Variants in AGBL4 observed in about 807,000 individuals in gnomAD.
The protein encoded by AGBL4 is AGBL carboxypeptidase 4, also known as cytosolic carboxypeptidase 6.
Under a neutral mutation model 66.4 loss-of-function variants are expected in AGBL4, and 58 were observed. The observed-to-expected ratio is 0.87, with a 90% confidence interval of 0.71 to 1.09. The LOEUF is 1.09. Ranked by LOEUF, AGBL4 falls within the 50% of genes least tolerant of loss-of-function variation. The pLI is 0.00. For missense variants in AGBL4, 579 were observed against 631.0 expected, an observed-to-expected ratio of 0.92 and a Z score of 0.88; for synonymous variants, 234 against 222.9, an observed-to-expected ratio of 1.05 and a Z score of -0.44.
chr1:48,708,923 G>A (rs1223073101), intron 6 of AGBL4, among the ~76,000 whole-genome samples: 1 of 152,214 alleles, frequency 6.6e-6, no homozygotes, highest in Admixed American at 6.5e-5. Flanking sequence ...AGTCAGGCAG[G>A]ACCAGGGTGA....
At chr1:50,009,334 C>A (rs1661359096) in intron 1 of AGBL4, among the ~76,000 whole-genome samples, 1 of 152,038 alleles carries the variant, frequency 6.6e-6, no homozygotes, top group South Asian at 2.1e-4. Flanking sequence ...TGGAATTTAT[C>A]CCAGCAATGC....
intron 3 of AGBL4, among the ~76,000 whole-genome samples, chr1:49,304,554 C>T (rs1249514771): frequency 6.6e-6 from 1 of 152,064 alleles, no homozygotes; most frequent in African/African-American, 2.4e-5. Flanking sequence ...AGAGGTCACC[C>T]AGTTGCAGAT....
intron 1 of AGBL4, among the ~76,000 whole-genome samples, chr1:50,020,195 A>T (rs1193566015): frequency 6.6e-6 from 1 of 152,080 alleles, no homozygotes; most frequent in Non-Finnish European, 1.5e-5. Context: ...CTTTCTTCTG[A>T]CAGCAAAGCA....
chr1:49,701,503 C>A (rs574437696), intron 2 of AGBL4, among the ~76,000 whole-genome samples: 4 of 151,702 alleles, frequency 2.6e-5, no homozygotes, highest in African/African-American at 7.3e-5. Flanking sequence ...TTGTATACAA[C>A]AAATATGTGC....
chr1:48,894,771 A>G (rs1185583293), intron 5 of AGBL4, among the ~76,000 whole-genome samples: 1 of 152,214 alleles, frequency 6.6e-6, no homozygotes, highest in African/African-American at 2.4e-5. Context: ...TTGATTTTTA[A>G]TATTTATAAT....
rs550554975 is a variant in AGBL4, at chr1:49,566,165, G to A, written c.282+131148C>T. The stretch of plus-strand genomic sequence containing the variant: ...TTTCAGCTCCATCAGGTCCTTTAAG[G>A]ACTTCTCTGCATTGGTTATTCTAGT... On this transcript the variant is annotated intron_variant, in intron 3 of 13. Transcript: ENST00000371839. Among the ~76,000 whole-genome samples the A allele has an allele frequency of 5.9e-5, 9 of 152,140 alleles. No homozygotes were observed. In the East Asian group the frequency reaches 1.5e-3, roughly 26 times the overall value.
chr1:49,187,101 G>C (rs1031736389), intron 4 of AGBL4: 1 of 152,152 alleles, frequency 6.6e-6, no homozygotes, highest in Admixed American at 6.5e-5. Context: ...TCAGAATTAA[G>C]TACAAAGGGA....
At chr1:49,568,167 AG>A (rs887433179) in intron 3 of AGBL4, among the ~76,000 whole-genome samples, 8 of 152,108 alleles carry the variant, frequency 5.3e-5, no homozygotes, top group African/African-American at 1.9e-4. Flanking sequence ...AAAAAAATAA[AG>A]GGCATCCAAA....
intron 6 of AGBL4, among the ~76,000 whole-genome samples, chr1:48,813,905 T>C (rs1467823460): frequency 6.6e-6 from 1 of 151,862 alleles, no homozygotes; most frequent in African/African-American, 2.4e-5. Context: ...TTCATTTTAG[T>C]TCAGCTCAGC....
At chr1:49,235,269 A>G (rs961805027) in intron 4 of AGBL4, among the ~76,000 whole-genome samples, 1 of 152,200 alleles carries the variant, frequency 6.6e-6, no homozygotes, top group Non-Finnish European at 1.5e-5. Flanking sequence ...GTCTGCTATG[A>G]GAGAGAGAAT....
intron 11 of AGBL4, among the ~76,000 whole-genome samples, chr1:48,564,090 C>T (rs1480463692): frequency 6.6e-6 from 1 of 152,104 alleles, no homozygotes; most frequent in Non-Finnish European, 1.5e-5. Flanking sequence ...CTACTGATTC[C>T]ACCTCAGACA....
chr1:48,984,384 G>C (rs1009489978), intron 5 of AGBL4, among the ~76,000 whole-genome samples: 5 of 151,286 alleles, frequency 3.3e-5, no homozygotes, highest in Non-Finnish European at 7.4e-5. Flanking sequence ...GACCTGAACA[G>C]GGAAGCTCTC....
chr1:49,958,045 G>A (rs1366157470), intron 1 of AGBL4, among the ~76,000 whole-genome samples: 1 of 151,964 alleles, frequency 6.6e-6, no homozygotes, highest in Non-Finnish European at 1.5e-5. Flanking sequence ...GCTCTTGTAG[G>A]GCAGGCCTGG....
At chr1:49,033,004 AC>A (rs1461574682) in intron 5 of AGBL4, among the ~76,000 whole-genome samples, 2 of 152,002 alleles carry the variant, frequency 1.3e-5, no homozygotes, top group Non-Finnish European at 2.9e-5. Flanking sequence ...CAGAGGGAGG[AC>A]CCAGGGTCAC....
intron 3 of AGBL4, among the ~76,000 whole-genome samples, chr1:49,309,302 T>C (rs1274112052): frequency 6.6e-6 from 1 of 152,144 alleles, no homozygotes; most frequent in East Asian, 1.9e-4. Flanking sequence ...GGTTGAAAAC[T>C]TTAATATGTT....
intron 12 of AGBL4, 100 bp from the exon 13 acceptor site, chr1:48,535,016 T>A: frequency 8.9e-7 from 1 of 1,120,900 alleles, no homozygotes; most frequent in Non-Finnish European, 1.3e-6. Flanking sequence ...ATGTTGTTTT[T>A]AACACCCAAA....
intron 3 of AGBL4, among the ~76,000 whole-genome samples, chr1:49,342,012 T>C (rs755891005): frequency 1.3e-5 from 2 of 152,198 alleles, no homozygotes; most frequent in Non-Finnish European, 2.9e-5. Context: ...CTGTGTTACC[T>C]GAATAGTTAT....
At chr1:48,758,693 T>C (rs1463901793) in intron 6 of AGBL4, among the ~76,000 whole-genome samples, 3 of 152,202 alleles carry the variant, frequency 2.0e-5, no homozygotes. Flanking sequence ...AATGTTCCCA[T>C]AGCTGAGGCT....
chr1:49,345,936 A>G (rs905486476), intron 3 of AGBL4, among the ~76,000 whole-genome samples: 2 of 152,166 alleles, frequency 1.3e-5, no homozygotes, highest in African/African-American at 4.8e-5. Flanking sequence ...GCTTTAAGGA[A>G]TCAAAGTTGA....
Sources: gnomAD v4.1 joint callset for allele counts (sites outside exome capture counted in the v4.1 genomes callset) on GRCh38, gnomAD v4.1.1 for gene constraint, MANE v1.5 for transcripts, NCBI Gene and HGNC (gene_info 2026-07-23, HGNC 2026-07-21) for gene names.